MACROD2: variants seen among roughly 807,000 people sequenced by gnomAD.
MACROD2 encodes ADP-ribose glycohydrolase MACROD2.
A neutral mutation model predicts 70.4 loss-of-function variants in MACROD2; 36 were observed. The observed-to-expected ratio is 0.51, with a 90% confidence interval of 0.39 to 0.68. MACROD2 has a LOEUF of 0.68. MACROD2 is among the 30% of genes least tolerant of loss of function. The pLI is 0.00. For missense variants in MACROD2, 496 were observed against 538.4 expected, an observed-to-expected ratio of 0.92 and a Z score of 0.78; for synonymous variants, 172 against 178.8, an observed-to-expected ratio of 0.96 and a Z score of 0.30.
At chr20:15,381,942 A>G (rs1878351640) in intron 6 of MACROD2, among the ~76,000 whole-genome samples, 1 of 152,338 alleles carries the variant, frequency 6.6e-6, no homozygotes, top group South Asian at 2.1e-4. Context: ...AGAAGGTGGC[A>G]TCAGTATTAC....
intron 8 of MACROD2, among the ~76,000 whole-genome samples, chr20:15,595,266 A>G (rs2048731619): frequency 6.6e-6 from 1 of 152,234 alleles, no homozygotes; most frequent in Non-Finnish European, 1.5e-5. Flanking sequence ...TGGTAAATTT[A>G]TGTTACGTAT....
intron 5 of MACROD2, among the ~76,000 whole-genome samples, chr20:15,210,739 T>C (rs1257325854): frequency 6.6e-6 from 1 of 152,074 alleles, no homozygotes; most frequent in Non-Finnish European, 1.5e-5. Context: ...ATGAGATCGT[T>C]GTTTAAAAGT....
At chr20:14,011,028 C>T (rs943448131) in intron 2 of MACROD2, among the ~76,000 whole-genome samples, 1 of 152,148 alleles carries the variant, frequency 6.6e-6, no homozygotes, top group East Asian at 1.9e-4. Flanking sequence ...CATTCACAGT[C>T]TTTTCCATAG....
At chr20:15,967,676 A>G in intron 13 of MACROD2, 46 bp downstream of exon 13, 1 of 1,222,404 alleles carries the variant, frequency 8.2e-7, no homozygotes, top group Non-Finnish European at 1.1e-6. Flanking sequence ...TTCTGCTGGG[A>G]AACAGAAAAA....
rs6131599 is a variant in MACROD2 at position 14,671,297 on chromosome 20, A to G, written c.302-13546A>G. 2.5e-4 allele frequency among the ~76,000 whole-genome samples: 38 copies of G among 152,306 alleles called. No homozygotes were observed. In the East Asian group the frequency reaches 3.3e-3, roughly 13 times the overall value. The stretch of plus-strand genomic sequence containing the variant: ...TATGAATTTAGCATCTGAAAAATAC[A>G]TCTTTAACATACTCTGGGCAGGATT... On this transcript the variant is annotated intron_variant, in intron 4 of 17. Coordinates refer to ENST00000684519, the MANE Select transcript of MACROD2 (RefSeq NM_001351661.2).
chr20:15,834,165 G>A (rs1336808470), intron 8 of MACROD2, among the ~76,000 whole-genome samples: 3 of 152,024 alleles, frequency 2.0e-5, no homozygotes, highest in Admixed American at 6.6e-5. Flanking sequence ...AGAATTACTC[G>A]TTGTTATTTA....
At chr20:15,302,203 C>T (rs999927754) in intron 6 of MACROD2, among the ~76,000 whole-genome samples, 2 of 152,148 alleles carry the variant, frequency 1.3e-5, no homozygotes, top group African/African-American at 2.4e-5. Flanking sequence ...TCTTAGCTCC[C>T]GCTCCATTTA....
chr20:15,581,459 C>T (rs2146647447), intron 8 of MACROD2, among the ~76,000 whole-genome samples: 1 of 152,208 alleles, frequency 6.6e-6, no homozygotes, highest in East Asian at 1.9e-4. Flanking sequence ...GAGAACTTAA[C>T]AAAAGAATGT....
At chr20:15,396,059 T>G (rs1457497880) in intron 6 of MACROD2, among the ~76,000 whole-genome samples, 1 of 152,156 alleles carries the variant, frequency 6.6e-6, no homozygotes, top group Non-Finnish European at 1.5e-5. Context: ...CCTTCAGGAG[T>G]TCTTACATAT....
At chr20:15,150,172 G>A (rs1411368428) in intron 5 of MACROD2, among the ~76,000 whole-genome samples, 1 of 152,054 alleles carries the variant, frequency 6.6e-6, no homozygotes, top group Non-Finnish European at 1.5e-5. Context: ...TGACTGAAGT[G>A]ATGGAGGCTA....
chr20:14,549,889 T>C (rs1978540430), intron 4 of MACROD2, among the ~76,000 whole-genome samples: 2 of 152,000 alleles, frequency 1.3e-5, no homozygotes, highest in African/African-American at 2.4e-5. Context: ...TTCATATCAA[T>C]CACACCTTTT....
At chr20:14,634,454 T>G (rs1293325294) in intron 4 of MACROD2, among the ~76,000 whole-genome samples, 1 of 152,226 alleles carries the variant, frequency 6.6e-6, no homozygotes, top group African/African-American at 2.4e-5. Context: ...TCCATGTGCT[T>G]CTTTGATCAC....
intron 3 of MACROD2, among the ~76,000 whole-genome samples, chr20:14,479,865 T>C (rs1308899676): frequency 3.3e-5 from 5 of 152,322 alleles, no homozygotes; most frequent in Admixed American, 1.3e-4. Flanking sequence ...TATAGATTTA[T>C]TTACTATAGT....
chr20:15,973,595 C>T (rs1034147205), intron 13 of MACROD2, among the ~76,000 whole-genome samples: 1 of 152,130 alleles, frequency 6.6e-6, no homozygotes, highest in Non-Finnish European at 1.5e-5. Flanking sequence ...ACAAAAGCCT[C>T]ATGTATCAAA....
At chr20:14,749,020 T>G (rs532804261) in intron 5 of MACROD2, among the ~76,000 whole-genome samples, 2 of 152,264 alleles carry the variant, frequency 1.3e-5, no homozygotes, top group Non-Finnish European at 1.5e-5. Flanking sequence ...ATGTTTTTGC[T>G]AACAAATCTC....
intron 8 of MACROD2, among the ~76,000 whole-genome samples, chr20:15,689,933 C>G (rs2050277902): frequency 6.6e-6 from 1 of 152,202 alleles, no homozygotes; most frequent in South Asian, 2.1e-4. Context: ...CTATCCCAAC[C>G]AAAGGCACAG....
At chr20:15,793,178 G>C (rs2063641333) in intron 8 of MACROD2, among the ~76,000 whole-genome samples, 1 of 149,576 alleles carries the variant, frequency 6.7e-6, no homozygotes, top group African/African-American at 2.4e-5. Flanking sequence ...AAAGAGGTGA[G>C]ATATTGAACT....
chr20:15,668,663 C>T (rs1341904426), intron 8 of MACROD2, among the ~76,000 whole-genome samples: 1 of 152,138 alleles, frequency 6.6e-6, no homozygotes, highest in Non-Finnish European at 1.5e-5. Flanking sequence ...TGTTTGGTCA[C>T]CTGGTTTTGA....
chr20:15,621,100 C>T (rs1600677575), intron 8 of MACROD2, among the ~76,000 whole-genome samples: 3 of 152,142 alleles, frequency 2.0e-5, no homozygotes, highest in Non-Finnish European at 1.5e-5. Context: ...GGGGATGTCA[C>T]TTTGTTCATG....
Sources: gnomAD v4.1 joint callset for allele counts (sites outside exome capture counted in the v4.1 genomes callset) on GRCh38, gnomAD v4.1.1 for gene constraint, MANE v1.5 for transcripts, NCBI Gene and HGNC (gene_info 2026-07-23, HGNC 2026-07-21) for gene names.